SLC22A8: variants seen among roughly 807,000 people sequenced by gnomAD.
SLC22A8 encodes the protein organic anion transporter 3.
Under a neutral mutation model 48.4 loss-of-function variants are expected in SLC22A8, and 40 were observed. The observed-to-expected ratio is 0.83, with a 90% CI of 0.64 to 1.08. The LOEUF is 1.08. SLC22A8 is among the 50% of genes least tolerant of loss of function. SLC22A8 has a pLI of 0.00. For missense variants in SLC22A8, 606 were observed against 699.0 expected, an observed-to-expected ratio of 0.87 and a Z score of 1.50; for synonymous variants, 268 against 286.3, an observed-to-expected ratio of 0.94 and a Z score of 0.65.
At chr11:63,013,643 G>T (rs1241106128) in intron 2 of SLC22A8, among the ~76,000 whole-genome samples, 1 of 152,174 alleles carries the variant, frequency 6.6e-6, no homozygotes, top group African/African-American at 2.4e-5. Context: ...GTAAATTCCA[G>T]TTCTGAAACT....
intron 2 of SLC22A8, among the ~76,000 whole-genome samples, chr11:63,001,233 C>T (rs1447632730): frequency 6.6e-6 from 1 of 152,188 alleles, no homozygotes; most frequent in Admixed American, 6.5e-5. Context: ...CTTGCCACCT[C>T]TCTTCATCCT....
At chr11:63,001,150 C>T (rs973139606) in intron 2 of SLC22A8, among the ~76,000 whole-genome samples, 20 of 152,138 alleles carry the variant, frequency 1.3e-4, no homozygotes, top group African/African-American at 3.6e-4. Context: ...CTGCCCCTCA[C>T]ATAGCCCAGG....
intron 2 of SLC22A8, among the ~76,000 whole-genome samples, chr11:63,002,219 T>G (rs1225165792): frequency 1.3e-5 from 2 of 152,170 alleles, no homozygotes; most frequent in East Asian, 3.9e-4. Context: ...CTCTTTTTTA[T>G]TTTTATTTAA....
At chr11:63,007,982 T>A (rs1310847894) in intron 2 of SLC22A8, among the ~76,000 whole-genome samples, 1 of 152,182 alleles carries the variant, frequency 6.6e-6, no homozygotes, top group Non-Finnish European at 1.5e-5. Flanking sequence ...TGAGCACAGC[T>A]CCTTGATGCC....
intron 2 of SLC22A8, among the ~76,000 whole-genome samples, chr11:63,002,884 T>G (rs1034848814): frequency 6.6e-6 from 1 of 152,214 alleles, no homozygotes; most frequent in Non-Finnish European, 1.5e-5. Context: ...ATTATGTAGG[T>G]GCTAATATCA....
intron 2 of SLC22A8, among the ~76,000 whole-genome samples, chr11:63,011,259 T>A (rs925235217): frequency 6.6e-6 from 1 of 152,204 alleles, no homozygotes; most frequent in East Asian, 1.9e-4. Context: ...AGTTTCCTCA[T>A]CTGTGAAATG....
chr11:63,007,466 C>T (rs897570441), intron 2 of SLC22A8, among the ~76,000 whole-genome samples: 2 of 152,154 alleles, frequency 1.3e-5, no homozygotes, highest in Admixed American at 1.3e-4. Flanking sequence ...GCTGGGACTA[C>T]AGGCACCCAC....
chr11:63,008,762 G>A (rs1233999641), intron 2 of SLC22A8, among the ~76,000 whole-genome samples: 2 of 152,176 alleles, frequency 1.3e-5, no homozygotes, highest in African/African-American at 2.4e-5. Context: ...GGATTCTGTA[G>A]TCAGGACCTC....
At chr11:63,014,579 A>T in intron 2 of SLC22A8, 47 bp downstream of exon 2, 1 of 1,441,592 alleles carries the variant, frequency 6.9e-7, no homozygotes, top group East Asian at 2.3e-5. Context: ...GGTGCAGGGT[A>T]TGGGGGTACG....
intron 2 of SLC22A8, among the ~76,000 whole-genome samples, chr11:63,011,008 T>C (rs2086613562): frequency 6.6e-6 from 1 of 152,200 alleles, no homozygotes; most frequent in African/African-American, 2.4e-5. Context: ...GCCATGCATC[T>C]AGTCCTGTGA....
At chr11:63,010,713 G>A (rs776784495) in intron 2 of SLC22A8, among the ~76,000 whole-genome samples, 17 of 152,150 alleles carry the variant, frequency 1.1e-4, no homozygotes, top group Admixed American at 2.0e-4. Flanking sequence ...AGAAGGGTGC[G>A]GTGCCCTGAG....
At chr11:62,994,247 A>G in intron 8 of SLC22A8, 1 of 528,780 alleles carries the variant, frequency 1.9e-6, no homozygotes, top group Admixed American at 3.2e-5. Flanking sequence ...TCGTTTTACC[A>G]TCTCAGCTTA....
At chr11:63,007,861 CAAAG>C in intron 2 of SLC22A8, among the ~76,000 whole-genome samples, 1 of 152,176 alleles carries the variant, frequency 6.6e-6, no homozygotes, top group East Asian at 1.9e-4. Flanking sequence ...TTTTTATAGA[CAAAG>C]AACCTGAGGC....
intron 3 of SLC22A8, among the ~76,000 whole-genome samples, chr11:63,000,456 C>T (rs2135127180): frequency 6.7e-6 from 1 of 149,398 alleles, no homozygotes; most frequent in African/African-American, 2.5e-5. Context: ...CGCACTCCAG[C>T]CTGGGCAATA....
At chr11:62,995,475 G>A (rs927815709) in intron 7 of SLC22A8, 1 of 570,162 alleles carries the variant, frequency 1.8e-6, no homozygotes, top group Non-Finnish European at 3.1e-6. Context: ...TGTGGGTGAG[G>A]GGTGGGGCAT....
intron 9 of SLC22A8, 48 bp downstream of exon 9, chr11:62,993,722 C>A: frequency 6.3e-7 from 1 of 1,587,742 alleles, no homozygotes; most frequent in Non-Finnish European, 8.6e-7. Context: ...CACAGTCCCA[C>A]CTGACCTGTG....
rs2086652499 is a variant in SLC22A8, at chr11:63,014,557, C to A, written c.333+69G>T. On this transcript the variant is annotated intron_variant, in intron 2 of 10. Transcript: ENST00000336232. ...GAACACCAGACCCCAGCCTCCTCTG[C>A]TGCCCACCAGCGGTGCAGGGTATGG... The A allele has an allele frequency of 8.0e-6, 11 of 1,375,486 alleles. No homozygotes were observed. In the South Asian group the frequency reaches 1.5e-4, roughly 19 times the overall value. The allele number at this position is 1,375,486 out of a possible 1,614,324, so 85.2% of individuals were successfully genotyped here.
Position 62,993,195 on chromosome 11 carries a change from G to T in SLC22A8, c.*42C>A. ...CCTATACTCCTAAGGTGCCTGGCTAGGATCAGTCTCTGGAGGGCAGGGAAA... is the reference window on the plus strand; with the variant it reads ...CCTATACTCCTAAGGTGCCTGGCTATGATCAGTCTCTGGAGGGCAGGGAAA... On this transcript the variant is annotated 3_prime_UTR_variant, in exon 11 of 11. Transcript: ENST00000336232. 6.7e-7 allele frequency: 1 copy of T among 1,503,510 alleles called. No individual in the cohort carries two copies. Among genetic ancestry groups the T allele is most frequent in the East Asian group, 2.3e-5 (1 of 44,104 alleles). The allele number at this position is 1,503,510 out of a possible 1,614,324, so 93.1% of individuals were successfully genotyped here.
Position 62,994,823 on chromosome 11 carries a change from T to G in SLC22A8, c.1002-67A>C, listed in dbSNP as rs374565828. 1.6e-5 allele frequency: 19 copies of G among 1,201,598 alleles called. No individual in the cohort carries two copies. The African/African-American group carries it at 2.7e-4, about 17-fold the overall frequency. 74.4% of individuals were successfully genotyped at this position (1,201,598 alleles called of 1,614,324 possible). Reference sequence around the variant, plus strand: ...AGAGGCCACTCCCCATGCTGGTCATTGGGTCACCAGGATGATGAATAGCTT... The same window carrying G: ...AGAGGCCACTCCCCATGCTGGTCATGGGGTCACCAGGATGATGAATAGCTT... On this transcript the variant is annotated intron_variant, in intron 7 of 10. Coordinates refer to ENST00000336232, the MANE Select transcript of SLC22A8 (RefSeq NM_004254.4).
Sources: allele counts gnomAD v4.1 joint callset (sites outside exome capture counted in the v4.1 genomes callset), GRCh38; gene constraint gnomAD v4.1.1; transcripts MANE v1.5; gene names NCBI Gene and HGNC (gene_info 2026-07-23, HGNC 2026-07-21).